Variants in ROBO1 observed in about 807,000 individuals in gnomAD.
The protein encoded by ROBO1 is roundabout homolog 1.
ROBO1 carries 149 observed loss-of-function variants against 195.9 expected under a neutral mutation model. The ratio of observed to expected loss-of-function variants is 0.76; its 90% CI spans 0.67 to 0.87. The LOEUF (loss-of-function observed/expected upper bound fraction) is 0.87. Among genes scored for constraint, ROBO1 ranks in the 40% least tolerant of loss-of-function variants. The probability of loss-of-function intolerance (pLI) is 0.00; values close to 1 mark genes in which losing one functional copy is unlikely to be tolerated. For synonymous variants in ROBO1, 816 were observed against 733.2 expected (o/e 1.11, Z -1.82); for missense variants, 1,933 against 2,068.3 (o/e 0.93, Z 1.27).
intron 1 of ROBO1, among the ~76,000 whole-genome samples, chr3:79,743,873 G>GCACAC (rs942526483): frequency 7.2e-5 from 11 of 152,176 alleles, no homozygotes; most frequent in African/African-American, 2.4e-4. Flanking sequence ...CAGAACAATA[G>GCACAC]CACACGGAGC....
intron 22 of ROBO1, 22 bp downstream of exon 22, chr3:78,639,722 A>G: frequency 3.1e-6 from 5 of 1,602,354 alleles, no homozygotes; most frequent in Non-Finnish European, 2.6e-6. Flanking sequence ...TATACATATC[A>G]GGCTCTCTCT....
rs1376044029 is a variant in ROBO1, at chr3:78,873,284, T to C, written c.499+65317A>G. On this transcript the variant is annotated intron_variant, in intron 4 of 30. Coordinates refer to ENST00000464233, the MANE Select transcript of ROBO1 (RefSeq NM_002941.4). ...GTTCCGTCAGTCAAAAGGGGATGCA[T>C]TGTGCCACTGTACTTGGACCTCCCT... 6.6e-5 allele frequency among the ~76,000 whole-genome samples: 10 copies of C among 152,280 alleles called. 1 individual carries two copies. In the South Asian group the frequency reaches 1.7e-3, roughly 25 times the overall value.
chr3:78,609,555 T>C (rs917068660), intron 28 of ROBO1, among the ~76,000 whole-genome samples: 3 of 152,200 alleles, frequency 2.0e-5, no homozygotes, highest in Non-Finnish European at 4.4e-5. Context: ...CCTAACCAGG[T>C]AGTTATACAG....
intron 2 of ROBO1, among the ~76,000 whole-genome samples, chr3:79,280,945 T>C (rs1397862953): frequency 6.6e-6 from 1 of 152,118 alleles, no homozygotes; most frequent in African/African-American, 2.4e-5. Context: ...CCTAACAGTT[T>C]AGGGGCCAGT....
intron 2 of ROBO1, among the ~76,000 whole-genome samples, chr3:79,230,746 C>T (rs1461585698): frequency 1.3e-5 from 2 of 151,754 alleles, no homozygotes; most frequent in African/African-American, 2.4e-5. Context: ...TATACGAGAC[C>T]AAAAAAGACC....
intron 1 of ROBO1, among the ~76,000 whole-genome samples, chr3:79,639,248 G>A (rs1000199189): frequency 2.0e-5 from 3 of 152,082 alleles, no homozygotes; most frequent in African/African-American, 4.8e-5. Flanking sequence ...AATTTGAAAG[G>A]TTTTATTCAG....
At chr3:79,604,870 C>T (rs547357940) in intron 1 of ROBO1, among the ~76,000 whole-genome samples, 6 of 151,992 alleles carry the variant, frequency 3.9e-5, no homozygotes, top group South Asian at 4.1e-4. Flanking sequence ...ACCAGTATTA[C>T]GCAATGTTCT....
chr3:79,620,082 C>T lies in ROBO1; in HGVS notation c.-50-30121G>A, dbSNP rs1486643366. Among the ~76,000 whole-genome samples, 2 of 152,236 alleles carry T rather than the reference C, an allele frequency of 1.3e-5. 1 individual carries two copies. Among genetic ancestry groups the T allele is most frequent in the Non-Finnish European group, 2.9e-5 (2 of 68,050 alleles). ...CCTACAGGAACTCCTCCCTCAAGATCTTGCTTCAAGTGCCAGAAATCTGGC... is the reference window on the plus strand; with the variant it reads ...CCTACAGGAACTCCTCCCTCAAGATTTTGCTTCAAGTGCCAGAAATCTGGC... On this transcript the variant is annotated intron_variant, in intron 1 of 30. Transcript: ENST00000464233.
rs375114591 is a variant in ROBO1, at chr3:78,793,032, G to C, written c.500-46132C>G. On this transcript the variant is annotated intron_variant, in intron 4 of 30. Transcript: ENST00000464233. ...AGCTACTTGGCAGGCTGAGGCAGGA[G>C]GGTCACTTGAGCTGAGAGAGGGAGG... Among the ~76,000 whole-genome samples the C allele has an allele frequency of 7.2e-5, 11 of 151,848 alleles. No individual in the cohort carries two copies. In the East Asian group the frequency reaches 1.9e-3, roughly 27 times the overall value.
chr3:79,448,231 G>T (rs1402470255), intron 2 of ROBO1, among the ~76,000 whole-genome samples: 4 of 152,114 alleles, frequency 2.6e-5, no homozygotes, highest in Non-Finnish European at 5.9e-5. Flanking sequence ...TTCAAAATTT[G>T]TGATTCTATC....
At chr3:79,164,720 T>G (rs937183955) in intron 2 of ROBO1, among the ~76,000 whole-genome samples, 15 of 152,300 alleles carry the variant, frequency 9.8e-5, no homozygotes, top group African/African-American at 3.4e-4. Flanking sequence ...TGTAGCAGCC[T>G]ACAAGGACTT....
At chr3:79,067,760 A>T (rs1217098470) in intron 3 of ROBO1, among the ~76,000 whole-genome samples, 5 of 151,944 alleles carry the variant, frequency 3.3e-5, no homozygotes, top group Non-Finnish European at 5.9e-5. Flanking sequence ...TACAACAAAC[A>T]TTTATGTTAC....
intron 1 of ROBO1, among the ~76,000 whole-genome samples, chr3:79,672,352 G>A (rs1412062690): frequency 3.7e-5 from 5 of 135,240 alleles, no homozygotes; most frequent in African/African-American, 1.5e-4. Context: ...GTCAATCTTT[G>A]AAGACAGTTA....
At chr3:79,624,076 A>G (rs1236230010) in intron 1 of ROBO1, among the ~76,000 whole-genome samples, 1 of 152,204 alleles carries the variant, frequency 6.6e-6, no homozygotes, top group African/African-American at 2.4e-5. Context: ...TTCAACCCAG[A>G]ATTTCATATC....
chr3:78,793,150 A>C (rs533988818), intron 4 of ROBO1, among the ~76,000 whole-genome samples: 176 of 150,266 alleles, frequency 1.2e-3, no homozygotes, highest in African/African-American at 4.1e-3. Flanking sequence ...AAAAAAAAAG[A>C]AAGAAAGAAA....
intron 2 of ROBO1, among the ~76,000 whole-genome samples, chr3:79,146,971 G>A (rs2108627951): frequency 6.6e-6 from 1 of 151,812 alleles, no homozygotes; most frequent in Admixed American, 6.6e-5. Flanking sequence ...TAAAAGGTAG[G>A]AAGAAATACT....
chr3:78,769,289 G>C (rs1048803275), intron 4 of ROBO1, among the ~76,000 whole-genome samples: 12 of 152,202 alleles, frequency 7.9e-5, no homozygotes, highest in Middle Eastern at 3.4e-3. Context: ...TTTCCTGTTG[G>C]ACAAGGCCTT....
At chr3:78,653,854 G>C (rs1706829747) in intron 18 of ROBO1, among the ~76,000 whole-genome samples, 1 of 152,174 alleles carries the variant, frequency 6.6e-6, no homozygotes, top group Admixed American at 6.5e-5. Context: ...TATGCTGTCT[G>C]CCAGGATTAA....
intron 2 of ROBO1, among the ~76,000 whole-genome samples, chr3:79,380,142 C>A (rs947880707): frequency 2.0e-5 from 3 of 152,128 alleles, no homozygotes; most frequent in Non-Finnish European, 4.4e-5. Flanking sequence ...CTCCTTTCAA[C>A]TTTCATTGAG....
Sources: gnomAD v4.1 joint callset for allele counts (sites outside exome capture counted in the v4.1 genomes callset) on GRCh38, gnomAD v4.1.1 for gene constraint, MANE v1.5 for transcripts, NCBI Gene and HGNC (gene_info 2026-07-23, HGNC 2026-07-21) for gene names.